The following VPS41 variants were observed in gnomAD, a reference collection of about 807,000 sequenced individuals.
VPS41 encodes the protein vacuolar protein sorting-associated protein 41 homolog.
In VPS41, 85 loss-of-function variants were observed where a neutral mutation model predicts 130.9. The observed-to-expected ratio is 0.65, with a 90% CI of 0.55 to 0.78. The LOEUF (loss-of-function observed/expected upper bound fraction) is 0.78, where lower values mean the gene tolerates loss of function less well. Among genes scored for constraint, VPS41 ranks in the 30% least tolerant of loss-of-function variants. The probability of loss-of-function intolerance (pLI) is 0.00; values close to 1 mark genes in which losing one functional copy is unlikely to be tolerated. For synonymous variants in VPS41, 335 were observed against 332.9 expected, an observed-to-expected ratio of 1.01 and a Z score of -0.07; for missense variants, 874 against 1,018.7, an observed-to-expected ratio of 0.86 and a Z score of 1.93.
intron 4 of VPS41, among the ~76,000 whole-genome samples, chr7:38,853,852 T>C (rs1038077229): frequency 6.6e-6 from 1 of 152,240 alleles, no homozygotes; most frequent in African/African-American, 2.4e-5. Context: ...CTAAATGTAG[T>C]TACCACTGAA....
intron 10 of VPS41, among the ~76,000 whole-genome samples, chr7:38,784,956 G>T (rs1784414280): frequency 6.6e-6 from 1 of 152,140 alleles, no homozygotes; most frequent in Admixed American, 6.5e-5. Flanking sequence ...ACATCCCATA[G>T]ATCTTAGCTT....
chr7:38,729,713 T>C (rs1795619435), intron 25 of VPS41, among the ~76,000 whole-genome samples: 1 of 152,106 alleles, frequency 6.6e-6, no homozygotes, highest in Admixed American at 6.5e-5. Context: ...GTACCAATGT[T>C]GTATTTCAGA....
At chr7:38,870,031 C>G (rs1053292096) in intron 2 of VPS41, among the ~76,000 whole-genome samples, 3 of 152,178 alleles carry the variant, frequency 2.0e-5, no homozygotes, top group African/African-American at 7.2e-5. Flanking sequence ...TGGCATTCTA[C>G]AGCCACTTTC....
At chr7:38,811,775 CT>C (rs1445587919) in intron 7 of VPS41, among the ~76,000 whole-genome samples, 8 of 151,908 alleles carry the variant, frequency 5.3e-5, no homozygotes, top group African/African-American at 1.9e-4. Flanking sequence ...TATATAATGG[CT>C]TTTTAAAGGG....
At chr7:38,767,743 A>AT in intron 14 of VPS41, 145 bp from the exon 15 acceptor site, 1 of 443,142 alleles carries the variant, frequency 2.3e-6, no homozygotes, top group Non-Finnish European at 4.0e-6. Flanking sequence ...GCTTTATGTA[A>AT]TTACACTTGC....
At chr7:38,733,893 A>G (rs1266517881) in intron 25 of VPS41, among the ~76,000 whole-genome samples, 1 of 152,196 alleles carries the variant, frequency 6.6e-6, no homozygotes, top group East Asian at 1.9e-4. Flanking sequence ...AGCCTGGGCA[A>G]CATAGTGAGA....
At position 38,724,266 on chromosome 7, in the gene VPS41, T is replaced by C. The variant is rs541777520; in HGVS notation, c.*1980A>G. The C allele has an allele frequency of 6.6e-6, 1 of 152,350 alleles. No homozygotes were observed. Among genetic ancestry groups the C allele is most frequent in the South Asian group, 2.1e-4 (1 of 4,830 alleles). 9.4% of individuals were successfully genotyped at this position (152,350 alleles called of 1,614,324 possible). A position where few individuals can be genotyped will look rare whatever the true frequency, so the allele number is the denominator to read the frequency against. On this transcript the variant is annotated 3_prime_UTR_variant, in exon 29 of 29. Transcript: ENST00000310301. The stretch of plus-strand genomic sequence containing the variant: ...CTATTGATGATCTTAAAGTAAACTT[T>C]TCTGGAAATGAGCTTGCTCAAATCA...
intron 10 of VPS41, among the ~76,000 whole-genome samples, chr7:38,787,428 C>T (rs555974944): frequency 3.7e-4 from 56 of 152,210 alleles, no homozygotes; most frequent in Non-Finnish European, 6.5e-4. Context: ...CTATTTTTAA[C>T]AATGCAATTT....
intron 1 of VPS41, among the ~76,000 whole-genome samples, chr7:38,899,334 T>C (rs1048168750): frequency 6.6e-6 from 1 of 152,262 alleles, no homozygotes; most frequent in African/African-American, 2.4e-5. Flanking sequence ...CATAAAGTTC[T>C]TATTCATTTG....
At chr7:38,782,679 T>C (rs1275802224) in intron 10 of VPS41, among the ~76,000 whole-genome samples, 2 of 152,176 alleles carry the variant, frequency 1.3e-5, no homozygotes, top group African/African-American at 4.8e-5. Flanking sequence ...GAGTCACAAA[T>C]AGATCAACAG....
intron 3 of VPS41, 45 bp from the exon 4 acceptor site, chr7:38,862,667 T>C: frequency 8.4e-7 from 1 of 1,188,376 alleles, no homozygotes; most frequent in East Asian, 2.4e-5. Context: ...AATAATACTA[T>C]TAATACACAA....
intron 2 of VPS41, among the ~76,000 whole-genome samples, chr7:38,891,383 C>A (rs1163857530): frequency 6.6e-6 from 1 of 152,042 alleles, no homozygotes; most frequent in East Asian, 1.9e-4. Context: ...GCCTTGTATG[C>A]TTTTCCTTTG....
chr7:38,854,932 C>CAGGCG (rs1378559687), intron 4 of VPS41, among the ~76,000 whole-genome samples: 2 of 151,158 alleles, frequency 1.3e-5, no homozygotes, highest in African/African-American at 4.9e-5. Context: ...AAAAGTGGGC[C>CAGGCG]AGGCGTGGTG....
At chr7:38,871,247 G>A (rs1040399565) in intron 2 of VPS41, among the ~76,000 whole-genome samples, 1 of 152,234 alleles carries the variant, frequency 6.6e-6, no homozygotes, top group Non-Finnish European at 1.5e-5. Context: ...AAAACGACTT[G>A]TAGAGTAATA....
intron 19 of VPS41, among the ~76,000 whole-genome samples, chr7:38,756,013 ATTAAGT>A (rs1434339988): frequency 2.0e-5 from 3 of 152,266 alleles, no homozygotes; most frequent in Admixed American, 6.5e-5. Flanking sequence ...TCCTATCTAA[ATTAAGT>A]TTAAGTTGGT....
At chr7:38,747,399 C>T (rs1283594960) in intron 22 of VPS41, among the ~76,000 whole-genome samples, 1 of 152,112 alleles carries the variant, frequency 6.6e-6, no homozygotes, top group Non-Finnish European at 1.5e-5. Flanking sequence ...CACTGTAATA[C>T]AACTGAATAA....
At chr7:38,791,382 G>A (rs995848902) in intron 9 of VPS41, among the ~76,000 whole-genome samples, 2 of 152,106 alleles carry the variant, frequency 1.3e-5, no homozygotes, top group Non-Finnish European at 2.9e-5. Context: ...CAAATGTATC[G>A]GCAATATTAG....
chr7:38,852,179 G>C (rs563556863), intron 4 of VPS41, among the ~76,000 whole-genome samples: 7 of 152,252 alleles, frequency 4.6e-5, no homozygotes, highest in African/African-American at 1.7e-4. Context: ...TCTAAGAGCA[G>C]GATGAATTAA....
chr7:38,850,168 C>T (rs1785820191), intron 4 of VPS41, among the ~76,000 whole-genome samples: 1 of 152,212 alleles, frequency 6.6e-6, no homozygotes, highest in Non-Finnish European at 1.5e-5. Context: ...CTCCCTATTC[C>T]CTGTCCCAGC....
Sources: allele counts gnomAD v4.1 joint callset (sites outside exome capture counted in the v4.1 genomes callset), GRCh38; gene constraint gnomAD v4.1.1; transcripts MANE v1.5; gene names NCBI Gene and HGNC (gene_info 2026-07-23, HGNC 2026-07-21).